Variants in GABRR1 observed in about 807,000 individuals in gnomAD.
The protein encoded by GABRR1 is gamma-aminobutyric acid receptor subunit rho-1.
GABRR1 carries 59 observed loss-of-function variants against 55.5 expected under a neutral mutation model. The observed-to-expected ratio is 1.06, with a 90% confidence interval of 0.86 to 1.32. The LOEUF (loss-of-function observed/expected upper bound fraction) is 1.32. Among genes scored for constraint, GABRR1 ranks in the 40% most tolerant of loss-of-function variants. The pLI is 0.00. For synonymous variants in GABRR1, 213 were observed against 226.0 expected (o/e 0.94, Z 0.51); for missense variants, 602 against 619.1 (o/e 0.97, Z 0.29).
intron 1 of GABRR1, among the ~76,000 whole-genome samples, chr6:89,210,282 C>T (rs1772794466): frequency 6.7e-6 from 1 of 149,638 alleles, no homozygotes; most frequent in African/African-American, 2.5e-5. Context: ...CAGCCTCGAC[C>T]TCCCAGGCTC....
chr6:89,208,599 G>A (rs1772724069), intron 1 of GABRR1, among the ~76,000 whole-genome samples: 1 of 152,258 alleles, frequency 6.6e-6, no homozygotes, highest in Non-Finnish European at 1.5e-5. Context: ...TCAGAGAAAA[G>A]ACTAAGGTTT....
intron 6 of GABRR1, 120 bp downstream of exon 6, chr6:89,190,045 C>CAAAAA: frequency 2.1e-6 from 1 of 468,192 alleles, no homozygotes; most frequent in Non-Finnish European, 3.5e-6. Flanking sequence ...GACTCCATCT[C>CAAAAA]AAAAAAAAAA....
chr6:89,196,860 A>AAAG (rs745902270), intron 5 of GABRR1, among the ~76,000 whole-genome samples: 1 of 137,724 alleles, frequency 7.3e-6, no homozygotes, highest in Non-Finnish European at 1.6e-5. Flanking sequence ...AGAAAGAAAG[A>AAAG]AAGAAAGAAA....
intron 1 of GABRR1, among the ~76,000 whole-genome samples, chr6:89,207,498 G>A (rs892173407): frequency 3.3e-5 from 5 of 152,164 alleles, no homozygotes; most frequent in African/African-American, 9.7e-5. Context: ...CCTGGCAGAG[G>A]TGAGGCAATG....
intron 6 of GABRR1, among the ~76,000 whole-genome samples, chr6:89,185,892 T>C (rs903365120): frequency 6.6e-6 from 1 of 152,202 alleles, no homozygotes; most frequent in African/African-American, 2.4e-5. Flanking sequence ...CTGTAAACAC[T>C]ATCAGGTAAT....
chr6:89,188,596 T>A (rs1305416714), intron 6 of GABRR1, among the ~76,000 whole-genome samples: 1 of 141,156 alleles, frequency 7.1e-6, no homozygotes, highest in Admixed American at 6.9e-5. Flanking sequence ...TCCATTTTTT[T>A]AAGCAGATTG....
chr6:89,181,973 A>G lies in GABRR1; in HGVS notation c.881T>C (p.Leu294Pro). The stretch of plus-strand genomic sequence containing the variant: ...GGACACCCAGGACAGCATGACCATC[A>G]GGGTAGCGGGGAAATAAGTTTGGAG... ...FLLQTYFPAT[L>P]MVMLSWVSFW... Residue 294 changes from leucine to proline, a missense_variant, in exon 8 of 10, where the codon CTG becomes CCG. Transcript: ENST00000454853. The G allele has an allele frequency of 6.2e-7, 1 of 1,614,164 alleles. No individual in the cohort carries two copies. The highest frequency in any genetic ancestry group is 8.5e-7 in the Non-Finnish European group (1 of 1,180,016).
intron 1 of GABRR1, among the ~76,000 whole-genome samples, chr6:89,211,372 C>T (rs1006422971): frequency 6.6e-6 from 1 of 152,180 alleles, no homozygotes; most frequent in Non-Finnish European, 1.5e-5. Flanking sequence ...TACCCTAAAA[C>T]TCTCCTGTCT....
Position 89,180,276 on chromosome 6 carries a change from C to G in GABRR1, c.1146+16G>C. ...TTCCATCCTGACCAGACACTATAAG[C>G]GCATGGCAAAGTCACCTTCTCCCGC... On this transcript the variant is annotated intron_variant, in intron 9 of 9. Coordinates refer to ENST00000454853, the MANE Select transcript of GABRR1 (RefSeq NM_002042.5). 6.2e-7 allele frequency: 1 copy of G among 1,611,396 alleles called. No individual in the cohort carries two copies. The highest frequency in any genetic ancestry group is 1.7e-5 in the Admixed American group (1 of 59,442).
chr6:89,200,190 G>A (rs553153223), intron 3 of GABRR1, among the ~76,000 whole-genome samples: 8 of 150,574 alleles, frequency 5.3e-5, no homozygotes, highest in Non-Finnish European at 8.9e-5. Flanking sequence ...TATTCTTTGG[G>A]TAAAAGTGAC....
At position 89,182,416 on chromosome 6, in the gene GABRR1, C is replaced by T. The variant is rs566071322; in HGVS notation, c.797-359G>A. Among the ~76,000 whole-genome samples, 6 of 152,280 alleles carry T rather than the reference C, an allele frequency of 3.9e-5. No homozygotes were observed. The South Asian group carries it at 1.0e-3, about 26-fold the overall frequency. ...TCCTGGGTGCAAGCAATCCTCCCAC[C>T]TCAGCCTCCCAAGTAGCTGGTACCA... is the stretch of plus-strand genomic sequence containing the variant. On this transcript the variant is annotated intron_variant, in intron 7 of 9. Coordinates refer to ENST00000454853, the MANE Select transcript of GABRR1 (RefSeq NM_002042.5).
intron 1 of GABRR1, among the ~76,000 whole-genome samples, chr6:89,215,118 T>C (rs926332913): frequency 2.0e-5 from 3 of 152,226 alleles, no homozygotes; most frequent in Non-Finnish European, 2.9e-5. Flanking sequence ...ACAGCCATTA[T>C]GGAAAACTAG....
chr6:89,198,854 G>A (rs563219807), intron 4 of GABRR1, among the ~76,000 whole-genome samples: 50 of 152,144 alleles, frequency 3.3e-4, no homozygotes, highest in African/African-American at 1.1e-3. Flanking sequence ...ACTTATGCTT[G>A]TGACTGCTTG....
intron 8 of GABRR1, 121 bp from the exon 9 acceptor site, chr6:89,180,609 C>T: frequency 8.3e-7 from 1 of 1,201,636 alleles, no homozygotes; most frequent in Non-Finnish European, 1.2e-6. Context: ...CATCCCTGCT[C>T]CACTGCCCAG....
upstream of GABRR1, among the ~76,000 whole-genome samples, chr6:89,218,064 C>T (rs149395944): frequency 4.6e-5 from 7 of 152,136 alleles, no homozygotes; most frequent in Non-Finnish European, 1.0e-4. Context: ...GACAGTTTTT[C>T]TTTTGCTTTG....
intron 1 of GABRR1, among the ~76,000 whole-genome samples, chr6:89,212,961 C>T (rs1293052931): frequency 6.6e-6 from 1 of 152,158 alleles, no homozygotes; most frequent in Non-Finnish European, 1.5e-5. Context: ...CATGAGCCAC[C>T]ATGCCCGGCC....
chr6:89,179,823 C>T (rs139184577), intron 9 of GABRR1, among the ~76,000 whole-genome samples: 7 of 152,038 alleles, frequency 4.6e-5, no homozygotes, highest in African/African-American at 1.4e-4. Context: ...AAAGGAGAGT[C>T]AGGTGGGAGG....
intron 5 of GABRR1, among the ~76,000 whole-genome samples, chr6:89,194,412 T>C (rs1772197530): frequency 6.6e-6 from 1 of 151,936 alleles, no homozygotes; most frequent in African/African-American, 2.4e-5. Flanking sequence ...ACTAAGCAAA[T>C]ATAGTCAATA....
At chr6:89,180,265 G>T in intron 9 of GABRR1, 27 bp downstream of exon 9, 1 of 1,605,754 alleles carries the variant, frequency 6.2e-7, no homozygotes, top group Non-Finnish European at 8.5e-7. Context: ...ATCCTGACCA[G>T]ACACTATAAG....
Sources: gnomAD v4.1 joint callset for allele counts (sites outside exome capture counted in the v4.1 genomes callset) on GRCh38, gnomAD v4.1.1 for gene constraint, MANE v1.5 for transcripts, NCBI Gene and HGNC (gene_info 2026-07-23, HGNC 2026-07-21) for gene names.